TMEM273: variants seen among roughly 807,000 people sequenced by gnomAD.
The protein encoded by TMEM273 is transmembrane protein 273.
TMEM273 carries 19 observed loss-of-function variants against 17.9 expected under a neutral mutation model. The ratio of observed to expected loss-of-function variants is 1.06; its 90% confidence interval spans 0.74 to 1.55. The LOEUF (loss-of-function observed/expected upper bound fraction) is 1.55, where lower values mean the gene tolerates loss of function less well. Ranked by LOEUF, TMEM273 falls within the 40% of genes most tolerant of loss-of-function variation. The pLI, the probability that TMEM273 is intolerant of heterozygous loss-of-function variation, is 0.00. For synonymous variants in TMEM273, 66 were observed against 62.0 expected (o/e 1.07, Z -0.31); for missense variants, 194 against 155.6 (o/e 1.25, Z -1.31).
Position 49,154,829 on chromosome 10 carries a change from A to G in TMEM273, c.*1063T>C, listed in dbSNP as rs1845423968. The G allele has an allele frequency of 1.3e-5, 2 of 152,224 alleles. No individual in the cohort carries two copies. Among genetic ancestry groups the G allele is most frequent in the Non-Finnish European group, 2.9e-5 (2 of 68,048 alleles). 9.4% of individuals were successfully genotyped at this position (152,224 alleles called of 1,614,324 possible). ...TGGTTATCAGTTAACAAAGGCTGCT[A>G]ATGAACAGCATCGTTATCAAGTTGG... On this transcript the variant is annotated 3_prime_UTR_variant, in exon 7 of 7. Coordinates refer to ENST00000374153, the MANE Select transcript of TMEM273 (RefSeq NM_001288740.3).
At position 49,169,376 on chromosome 10, in the gene TMEM273, A is replaced by G. The variant is rs12246083; in HGVS notation, c.44-1414T>C. 8.5e-3 allele frequency among the ~76,000 whole-genome samples: 1,288 copies of G among 152,308 alleles called. 18 individuals carry two copies. Among genetic ancestry groups the G allele is most frequent in the African/African-American group, 0.03 (1,226 of 41,556 alleles). ...GCTGACCACACTCAGTGATGCCCAG[A>G]GTGGCGTGGTAGGTTGGAGCTCTGC... is the stretch of plus-strand genomic sequence containing the variant. On this transcript the variant is annotated intron_variant, in intron 1 of 6. Transcript: ENST00000374153.
At chr10:49,176,363 C>T (rs1376393930) in intron 1 of TMEM273, among the ~76,000 whole-genome samples, 1 of 152,220 alleles carries the variant, frequency 6.6e-6, no homozygotes, top group Admixed American at 6.5e-5. Flanking sequence ...ATGGCCAAAC[C>T]AAGGCCTCCC....
chr10:49,179,540 G>A (rs1847210086), intron 1 of TMEM273, among the ~76,000 whole-genome samples: 2 of 152,162 alleles, frequency 1.3e-5, no homozygotes, highest in Admixed American at 6.5e-5. Flanking sequence ...TACTTTTCTG[G>A]AAAGATGAAA....
intron 1 of TMEM273, among the ~76,000 whole-genome samples, chr10:49,177,608 C>T (rs1847069133): frequency 1.3e-5 from 2 of 152,240 alleles, no homozygotes; most frequent in Admixed American, 1.3e-4. Context: ...GCCTGAGTCA[C>T]TGGCTCCGAG....
intron 2 of TMEM273, among the ~76,000 whole-genome samples, chr10:49,167,646 T>C (rs1846280136): frequency 6.6e-6 from 1 of 152,150 alleles, no homozygotes; most frequent in East Asian, 1.9e-4. Flanking sequence ...CCCATGGCTG[T>C]GGGACAGGGC....
chr10:49,188,177 T>A, intron 1 of TMEM273, 117 bp downstream of exon 1: 1 of 1,135,068 alleles, frequency 8.8e-7, no homozygotes, highest in South Asian at 1.4e-5. Context: ...AGAAACATCA[T>A]CTGTGTAAAG....
In TMEM273 at chr10:49,166,889, C is replaced by T. The variant is rs1483673377; in HGVS notation, c.218G>A (p.Ser73Asn). The T allele has an allele frequency of 1.2e-6, 2 of 1,613,820 alleles. No individual in the cohort carries two copies. Among genetic ancestry groups the T allele is most frequent in the Non-Finnish European group, 8.5e-7 (1 of 1,179,928 alleles). The change falls in exon 3 of 7, where the codon AGC (serine) becomes AAC (asparagine). Residue 73 changes from serine to asparagine, a missense_variant. By Grantham distance (46) the Ser-to-Asn change is conservative. Transcript: ENST00000374153. The part of the protein sequence containing the change: ...LFDDDSSDLK[S>N]TPGGLSDTIP... The stretch of plus-strand genomic sequence containing the variant: ...CTCACCACTGAGGCCCCCAGGCGTG[C>T]TTTTCAGGTCGGAAGAGTCGTCGTC...
intron 1 of TMEM273, among the ~76,000 whole-genome samples, chr10:49,172,104 G>T (rs940671987): frequency 2.6e-5 from 4 of 152,188 alleles, no homozygotes; most frequent in Admixed American, 1.3e-4. Context: ...TTGCAGAATG[G>T]CTCCTAACTT....
At chr10:49,163,827 G>A (rs1264581639) in intron 5 of TMEM273, among the ~76,000 whole-genome samples, 1 of 152,098 alleles carries the variant, frequency 6.6e-6, no homozygotes, top group Non-Finnish European at 1.5e-5. Context: ...TGTAGGAGGA[G>A]AAATCCTCAA....
chr10:49,167,118 C>A lies in TMEM273; in HGVS notation c.98-109G>T, dbSNP rs1463327263. ...GTGGCCCTTAACACACCACCTCCCA[C>A]TGGCTGAGGCCAGCCTCACCTTCTA... On this transcript the variant is annotated intron_variant, in intron 2 of 6. Transcript: ENST00000374153. 2.8e-6 allele frequency: 4 copies of A among 1,449,316 alleles called. No homozygotes were observed. The East Asian group carries it at 9.6e-5, about 35-fold the overall frequency. The allele number at this position is 1,449,316 out of a possible 1,614,324, so 89.8% of individuals were successfully genotyped here.
At chr10:49,173,880 C>T (rs936822044) in intron 1 of TMEM273, among the ~76,000 whole-genome samples, 1 of 152,174 alleles carries the variant, frequency 6.6e-6, no homozygotes, top group African/African-American at 2.4e-5. Context: ...GATAGCGTTT[C>T]CCCTGTGGCT....
At chr10:49,166,819 G>A (rs377475241) in intron 3 of TMEM273, 50 bp downstream of exon 3, 20 of 1,608,440 alleles carry the variant, frequency 1.2e-5, no homozygotes, top group South Asian at 3.3e-5. Flanking sequence ...AGTGGCCCTC[G>A]GTGCCTCGCT....
At chr10:49,165,530 C>G (rs991171833) in intron 4 of TMEM273, among the ~76,000 whole-genome samples, 1 of 152,200 alleles carries the variant, frequency 6.6e-6, no homozygotes, top group Non-Finnish European at 1.5e-5. Context: ...CCAGGCTATG[C>G]AGAGGCGAGC....
chr10:49,168,673 AAAGG>A (rs1239851736), intron 1 of TMEM273, among the ~76,000 whole-genome samples: 34 of 118,944 alleles, frequency 2.9e-4, no homozygotes, highest in Admixed American at 7.7e-4. Context: ...AGGAAGGAAG[AAAGG>A]AAGGAAGGAA....
intron 6 of TMEM273, among the ~76,000 whole-genome samples, chr10:49,160,013 G>A (rs1388227241): frequency 6.6e-6 from 1 of 152,152 alleles, no homozygotes; most frequent in Non-Finnish European, 1.5e-5. Flanking sequence ...GGAGAAAGGG[G>A]AGATAGAATA....
rs191768343 is a variant in TMEM273, at chr10:49,155,569, G to A, written c.*323C>T. The A allele has an allele frequency of 5.0e-5, 21 of 417,906 alleles. No homozygotes were observed. The highest frequency in any genetic ancestry group is 2.8e-4 in the African/African-American group (14 of 49,474). 25.9% of individuals were successfully genotyped at this position (417,906 alleles called of 1,614,324 possible). On this transcript the variant is annotated 3_prime_UTR_variant, in exon 7 of 7. Coordinates refer to ENST00000374153, the MANE Select transcript of TMEM273 (RefSeq NM_001288740.3). ...AGCCATTTTCTGTGGTAGGTTCCAC[G>A]GACATGGACACCATGGCCTCATGGA... is the stretch of plus-strand genomic sequence containing the variant.
chr10:49,162,885 C>T (rs547415479), intron 5 of TMEM273, among the ~76,000 whole-genome samples: 34 of 152,360 alleles, frequency 2.2e-4, no homozygotes, highest in African/African-American at 7.9e-4. Flanking sequence ...CATCCATGGC[C>T]TCCTCATGTC....
intron 3 of TMEM273, 35 bp downstream of exon 3, chr10:49,166,834 G>A (rs1414909673): frequency 6.2e-6 from 10 of 1,611,248 alleles, no homozygotes; most frequent in Non-Finnish European, 8.5e-6. Context: ...CTCGCTGGGT[G>A]GGGCAGAGCC....
chr10:49,163,539 T>C (rs1590192394), intron 5 of TMEM273, among the ~76,000 whole-genome samples: 1 of 152,298 alleles, frequency 6.6e-6, no homozygotes, highest in East Asian at 1.9e-4. Flanking sequence ...CCTAGGACAG[T>C]CCAGGCTCAC....
Sources: gnomAD v4.1 joint callset for allele counts (sites outside exome capture counted in the v4.1 genomes callset) on GRCh38, gnomAD v4.1.1 for gene constraint, MANE v1.5 for transcripts, NCBI Gene and HGNC (gene_info 2026-07-23, HGNC 2026-07-21) for gene names.